ADGB: variants seen among roughly 807,000 people sequenced by gnomAD.
ADGB encodes androglobin, also known as calpain-7-like protein.
ADGB carries 172 observed loss-of-function variants against 210.5 expected under a neutral mutation model. The ratio of observed to expected loss-of-function variants is 0.82; its 90% CI spans 0.72 to 0.93. The LOEUF (loss-of-function observed/expected upper bound fraction) is 0.93. ADGB is among the 40% of genes least tolerant of loss of function. The pLI is 0.00. For missense variants in ADGB, 2,025 were observed against 1,964.8 expected (o/e 1.03, Z -0.58); for synonymous variants, 658 against 662.7 (o/e 0.99, Z 0.11).
chr6:146,647,013 T>C (rs1181777786), intron 3 of ADGB, among the ~76,000 whole-genome samples: 1 of 149,002 alleles, frequency 6.7e-6, no homozygotes, highest in Non-Finnish European at 1.5e-5. Flanking sequence ...CACTCGAACC[T>C]GGGAGGTAGA....
intron 1 of ADGB, among the ~76,000 whole-genome samples, chr6:146,627,620 A>T (rs1487216752): frequency 6.6e-6 from 1 of 152,164 alleles, no homozygotes; most frequent in African/African-American, 2.4e-5. Flanking sequence ...GTTCAGCGTG[A>T]GTCCTCAGAT....
rs1426538544 is a variant in ADGB at position 146,784,660 on chromosome 6, T to G, written c.4078T>G (p.Tyr1360Asp). The change falls in exon 31 of 36, where the codon TAC becomes GAC. Residue 1360 changes from tyrosine (Y) to aspartate (D), a missense_variant. Physicochemically the swap from Tyr to Asp is radical, Grantham distance 160 (BLOSUM62 -3). Transcript: ENST00000397944. ...TCAACAAGAAGACCCAAATAAACCC[T>G]ACTGGATTTTGAGGTTGGTCACTGA... ...HPQQEDPNKP[Y>D]WILRLVTEHN... 1 of 1,551,458 alleles carries G rather than the reference T, an allele frequency of 6.4e-7. No individual in the cohort carries two copies. Among genetic ancestry groups the G allele is most frequent in the East Asian group, 2.4e-5 (1 of 40,894 alleles).
At chr6:146,653,873 A>T (rs113492605) in intron 3 of ADGB, among the ~76,000 whole-genome samples, 2,173 of 152,150 alleles carry the variant, frequency 0.014, 44 homozygotes, top group African/African-American at 0.048. Context: ...GAATGTGTTT[A>T]TTTCTTATTT....
At chr6:146,763,766 CTG>C in intron 27 of ADGB, 133 bp from the exon 28 acceptor site, 1 of 768,482 alleles carries the variant, frequency 1.3e-6, no homozygotes. Flanking sequence ...ACCAAAAACA[CTG>C]TTTTTTATCT....
chr6:146,673,621 C>G (rs763582359), intron 8 of ADGB, among the ~76,000 whole-genome samples: 1 of 152,080 alleles, frequency 6.6e-6, no homozygotes, highest in East Asian at 1.9e-4. Flanking sequence ...CTAGTATTAG[C>G]TCTCAATTTC....
At chr6:146,673,544 A>G (rs953875835) in intron 8 of ADGB, among the ~76,000 whole-genome samples, 1 of 152,216 alleles carries the variant, frequency 6.6e-6, no homozygotes, top group Non-Finnish European at 1.5e-5. Context: ...TATGCTAATT[A>G]TTATTCCACA....
chr6:146,815,265 TTGTAATGA>T lies in ADGB; in HGVS notation c.*50_*57del. ...CTGCTTCTGGAGAGAAAAAATCTAT[TTGTAATGA>T]TCTTTAACTGCCTGCTGTTAAGATA... On this transcript the variant is annotated 3_prime_UTR_variant, in exon 36 of 36. Coordinates refer to ENST00000397944, the MANE Select transcript of ADGB (RefSeq NM_024694.4). The T allele has an allele frequency of 1.4e-6, 2 of 1,393,378 alleles. No individual in the cohort carries two copies. 86.3% of individuals were successfully genotyped at this position (1,393,378 alleles called of 1,614,324 possible).
chr6:146,641,222 T>A (rs1428876542), intron 2 of ADGB, among the ~76,000 whole-genome samples: 2 of 151,814 alleles, frequency 1.3e-5, no homozygotes, highest in African/African-American at 4.8e-5. Context: ...AAACATCATC[T>A]ATACAAGCAG....
chr6:146,693,556 A>T (rs1333735882), intron 12 of ADGB, among the ~76,000 whole-genome samples: 1 of 152,194 alleles, frequency 6.6e-6, no homozygotes, highest in Non-Finnish European at 1.5e-5. Context: ...GAGCAAACAA[A>T]TACGGACTTT....
intron 9 of ADGB, among the ~76,000 whole-genome samples, chr6:146,684,447 A>C (rs577870490): frequency 6.6e-6 from 1 of 152,140 alleles, no homozygotes; most frequent in Admixed American, 6.6e-5. Context: ...TCAGTGAGAA[A>C]AGTAACTGGA....
chr6:146,609,097 T>C (rs1276400585), intron 1 of ADGB, among the ~76,000 whole-genome samples: 1 of 152,224 alleles, frequency 6.6e-6, no homozygotes. Context: ...AGTCTTCTTT[T>C]TGAACTGAAC....
intron 13 of ADGB, among the ~76,000 whole-genome samples, chr6:146,706,452 A>T (rs1583598750): frequency 6.6e-6 from 1 of 151,098 alleles, no homozygotes; most frequent in African/African-American, 2.4e-5. Flanking sequence ...TAGAGACGAG[A>T]TTTCACCATG....
chr6:146,799,491 G>A (rs575740529), intron 33 of ADGB, among the ~76,000 whole-genome samples: 32 of 146,382 alleles, frequency 2.2e-4, no homozygotes, highest in Admixed American at 6.3e-4. Context: ...CCAAGATCGC[G>A]CCACTGCACT....
At chr6:146,746,956 T>C (rs1562290906) in intron 26 of ADGB, among the ~76,000 whole-genome samples, 1 of 152,214 alleles carries the variant, frequency 6.6e-6, no homozygotes, top group Non-Finnish European at 1.5e-5. Flanking sequence ...CCTTTAATGA[T>C]AATTTTCAAT....
At chr6:146,709,470 C>A (rs1776626171) in intron 13 of ADGB, among the ~76,000 whole-genome samples, 1 of 152,190 alleles carries the variant, frequency 6.6e-6, no homozygotes, top group South Asian at 2.1e-4. Flanking sequence ...GTGCCTAGAT[C>A]AGCAGGTGGG....
At chr6:146,774,230 A>G (rs1777691965) in intron 29 of ADGB, among the ~76,000 whole-genome samples, 1 of 152,210 alleles carries the variant, frequency 6.6e-6, no homozygotes, top group Non-Finnish European at 1.5e-5. Flanking sequence ...GGAAAACTAG[A>G]TAAAAACATT....
intron 27 of ADGB, among the ~76,000 whole-genome samples, chr6:146,754,549 T>C (rs1777380776): frequency 6.6e-6 from 1 of 151,972 alleles, no homozygotes; most frequent in African/African-American, 2.4e-5. Context: ...TGTTTTATTA[T>C]ATTTTATAAC....
intron 29 of ADGB, chr6:146,770,484 G>T (rs1380826218): frequency 4.9e-6 from 2 of 410,130 alleles, no homozygotes; most frequent in Non-Finnish European, 1.1e-5. Flanking sequence ...CTCTTCTGAG[G>T]TTCCTCTCTC....
chr6:146,728,592 G>A lies in ADGB; in HGVS notation c.2371G>A (p.Glu791Lys). ...NFEPESCRFT[E>K]QSLLIMKAIG... ...TTCACAGGAGAGCTGCCGATTTACG[G>A]AACAGTCTCTGTTGATTATGAAAGC... Residue 791 changes from glutamate (E) to lysine (K), a missense_variant, in exon 20 of 36, where the codon GAA becomes AAA. By Grantham distance (56) the Glu-to-Lys change is moderately conservative. Coordinates refer to ENST00000397944, the MANE Select transcript of ADGB (RefSeq NM_024694.4). 5 of 1,551,420 alleles carry A rather than the reference G, an allele frequency of 3.2e-6. No homozygotes were observed. Among genetic ancestry groups the A allele is most frequent in the Non-Finnish European group, 4.4e-6 (5 of 1,146,794 alleles).
Sources: gnomAD v4.1 joint callset for allele counts (sites outside exome capture counted in the v4.1 genomes callset) on GRCh38, gnomAD v4.1.1 for gene constraint, MANE v1.5 for transcripts, NCBI Gene and HGNC (gene_info 2026-07-23, HGNC 2026-07-21) for gene names.